GPIHBP1: variants seen among roughly 807,000 people sequenced by gnomAD.
GPIHBP1 encodes glycosylphosphatidylinositol-anchored high density lipoprotein-binding protein 1.
Under a neutral mutation model 13.0 loss-of-function variants are expected in GPIHBP1, and 11 were observed. That is an observed-to-expected ratio of 0.84 (90% confidence interval 0.53 to 1.40). The LOEUF is 1.40. Among genes scored for constraint, GPIHBP1 ranks in the 40% most tolerant of loss-of-function variants. The pLI, the probability that GPIHBP1 is intolerant of heterozygous loss-of-function variation, is 0.00. For synonymous variants in GPIHBP1, 106 were observed against 102.2 expected, an observed-to-expected ratio of 1.04 and a Z score of -0.22; for missense variants, 231 against 241.1, an observed-to-expected ratio of 0.96 and a Z score of 0.28.
chr8:143,214,619 C>T lies in GPIHBP1; in HGVS notation c.182-394C>T, dbSNP rs1816272421. ...CCCTCCCAGGAGCCCCAAGCCTGCC[C>T]TCAGCACGAGCCCTGCCCCACACAC... is the stretch of plus-strand genomic sequence containing the variant. On this transcript the variant is annotated intron_variant, in intron 2 of 3. Coordinates refer to ENST00000622500, the MANE Select transcript of GPIHBP1 (RefSeq NM_178172.6). This position sits in a 1 kb window ranked among gnomAD's most constrained non-coding sequence, Gnocchi z 4.1. Among the ~76,000 whole-genome samples the T allele has an allele frequency of 6.6e-6, 1 of 152,056 alleles. No homozygotes were observed. The highest frequency in any genetic ancestry group is 6.5e-5 in the Admixed American group (1 of 15,268).
Position 143,214,068 on chromosome 8 carries a change from T to C in GPIHBP1, c.181+118T>C, listed in dbSNP as rs1161487104. The C allele has an allele frequency of 1.5e-6, 2 of 1,324,692 alleles. No homozygotes were observed. Among genetic ancestry groups the C allele is most frequent in the Non-Finnish European group, 2.1e-6 (2 of 950,250 alleles). 82.1% of individuals were successfully genotyped at this position (1,324,692 alleles called of 1,614,324 possible). A position where few individuals can be genotyped will look rare whatever the true frequency, so the allele number is the denominator to read the frequency against. On this transcript the variant is annotated intron_variant, in intron 2 of 3. Coordinates refer to ENST00000622500, the MANE Select transcript of GPIHBP1 (RefSeq NM_178172.6). This position sits in a 1 kb window ranked among gnomAD's most constrained non-coding sequence, Gnocchi z 4.1. Reference sequence around the variant, plus strand: ...TGCTGTGAGCTTGCCTCCAGCAGAGTGGGGGACACTCAGTACACCCCTCAC... The same window carrying C: ...TGCTGTGAGCTTGCCTCCAGCAGAGCGGGGGACACTCAGTACACCCCTCAC...
chr8:143,215,550 A>AC lies in GPIHBP1; in HGVS notation c.*37dup, dbSNP rs1387176379. The AC allele has an allele frequency of 1.1e-5, 16 of 1,400,816 alleles. No individual in the cohort carries two copies. In the East Asian group the frequency reaches 3.1e-4, roughly 27 times the overall value. 86.8% of individuals were successfully genotyped at this position (1,400,816 alleles called of 1,614,324 possible). ...GCCCCTCCCCACCCCCACCCGGCTC[A>AC]CCCCCGGCCCTGCCAGCACTCTGTC... is the stretch of plus-strand genomic sequence containing the variant. On this transcript the variant is annotated 3_prime_UTR_variant, in exon 4 of 4. Coordinates refer to ENST00000622500, the MANE Select transcript of GPIHBP1 (RefSeq NM_178172.6).
Position 143,213,681 on chromosome 8 carries a change from C to T in GPIHBP1, c.53-141C>T, listed in dbSNP as rs1586694247. ...CAGTGAGTAGGGTGAGTAGGGTGTT[C>T]AGGGTAGGGGCCCTCCCCAGCCACC... On this transcript the variant is annotated intron_variant, in intron 1 of 3. Coordinates refer to ENST00000622500, the MANE Select transcript of GPIHBP1 (RefSeq NM_178172.6). The T allele has an allele frequency of 4.1e-6, 4 of 983,694 alleles. No homozygotes were observed. The East Asian group carries it at 1.1e-4, about 27-fold the overall frequency. The allele number at this position is 983,694 out of a possible 1,614,324, so 60.9% of individuals were successfully genotyped here.
Position 143,215,368 on chromosome 8 carries a change from G to A in GPIHBP1, c.405G>A (p.Leu135=), listed in dbSNP as rs1816289274. 6 of 1,612,944 alleles carry A rather than the reference G, an allele frequency of 3.7e-6. No homozygotes were observed. Among genetic ancestry groups the A allele is most frequent in the Non-Finnish European group, 4.2e-6 (5 of 1,180,010 alleles). The change falls in exon 4 of 4, where the codon CTG becomes CTA. Residue 135 remains leucine, a synonymous_variant. Transcript: ENST00000622500. Reference sequence around the variant, plus strand: ...CCATGACCTGCTGCCAGTCCAGCCTGTGCAATGTCCCACCCTGGCAAAGCT... The same window carrying A: ...CCATGACCTGCTGCCAGTCCAGCCTATGCAATGTCCCACCCTGGCAAAGCT... ...QVTMTCCQSS[L]CNVPPWQSSR...
chr8:143,216,715 T>C lies in GPIHBP1; in HGVS notation c.*1197T>C, dbSNP rs1180819615. 2.0e-5 allele frequency: 3 copies of C among 152,244 alleles called. No homozygotes were observed. The East Asian group carries it at 5.8e-4, about 29-fold the overall frequency. The allele number at this position is 152,244 out of a possible 1,614,324, so 9.4% of individuals were successfully genotyped here. Reference sequence around the variant, plus strand: ...TGGGACAGCAGGCAGAGGCCGAGCCTGGGCCACAGCTCAGCCACTGACTTG... The same window carrying C: ...TGGGACAGCAGGCAGAGGCCGAGCCCGGGCCACAGCTCAGCCACTGACTTG... On this transcript the variant is annotated 3_prime_UTR_variant, in exon 4 of 4. Transcript: ENST00000622500.
Position 143,215,561 on chromosome 8 carries a change from T to A in GPIHBP1, c.*43T>A, listed in dbSNP as rs1235146177. On this transcript the variant is annotated 3_prime_UTR_variant, in exon 4 of 4. Transcript: ENST00000622500. Reference sequence around the variant, plus strand: ...CCCCCACCCGGCTCACCCCCGGCCCTGCCAGCACTCTGTCTGGTACCTTCC... The same window carrying A: ...CCCCCACCCGGCTCACCCCCGGCCCAGCCAGCACTCTGTCTGGTACCTTCC... The A allele has an allele frequency of 7.8e-7, 1 of 1,282,694 alleles. No individual in the cohort carries two copies. Among genetic ancestry groups the A allele is most frequent in the South Asian group, 1.3e-5 (1 of 75,520 alleles). The allele number at this position is 1,282,694 out of a possible 1,614,324, so 79.5% of individuals were successfully genotyped here.
Position 143,215,724 on chromosome 8 carries a change from G to A in GPIHBP1, c.*206G>A, listed in dbSNP as rs1563713619. ...GTCCTTTCTCCACCACCTGTGAGCA[G>A]CAAGACTGCCGCACGTGGGCGCTGG... On this transcript the variant is annotated 3_prime_UTR_variant, in exon 4 of 4. Transcript: ENST00000622500. The A allele has an allele frequency of 6.7e-6, 4 of 600,432 alleles. No individual in the cohort carries two copies. Among genetic ancestry groups the A allele is most frequent in the South Asian group, 6.0e-5 (3 of 49,670 alleles). 37.2% of individuals were successfully genotyped at this position (600,432 alleles called of 1,614,324 possible). A position where few individuals can be genotyped will look rare whatever the true frequency, so the allele number is the denominator to read the frequency against.
chr8:143,213,859 C>G lies in GPIHBP1; in HGVS notation c.90C>G (p.Asp30Glu), dbSNP rs776835638. The change falls in exon 2 of 4, where the codon GAC becomes GAG. Residue 30 changes from aspartate to glutamate, a missense_variant. Transcript: ENST00000622500. ...GQTQQEEEEE[D>E]EDHGPDDYDE... ...CACAGCAGGAGGAAGAGGAAGAGGA[C>G]GAGGACCACGGGCCAGATGACTACG... 2.6e-6 allele frequency: 4 copies of G among 1,556,736 alleles called. No individual in the cohort carries two copies. Among genetic ancestry groups the G allele is most frequent in the Admixed American group, 1.9e-5 (1 of 51,614 alleles).
chr8:143,214,314 A>G lies in GPIHBP1; in HGVS notation c.181+364A>G, dbSNP rs1482402781. 6.6e-6 allele frequency among the ~76,000 whole-genome samples: 1 copy of G among 152,000 alleles called. No homozygotes were observed. The highest frequency in any genetic ancestry group is 1.9e-4 in the East Asian group (1 of 5,180). ...GAGCAGCAGGGTGGGCCGGTCCTGT[A>G]CAGGGGAGGGCTGGATTGGCTGCTG... On this transcript the variant is annotated intron_variant, in intron 2 of 3. Transcript: ENST00000622500. This position sits in a 1 kb window ranked among gnomAD's most constrained non-coding sequence, Gnocchi z 4.1.
rs587777639 is a variant in GPIHBP1, at chr8:143,215,033, T to C, written c.202T>C (p.Cys68Arg). The change falls in exon 3 of 4, where the codon TGC (cysteine) becomes CGC (arginine). Residue 68 changes from cysteine (C) to arginine (R), a missense_variant. Physicochemically the swap from Cys to Arg is radical, Grantham distance 180. Transcript: ENST00000622500. ...RSRVLLRCYT[C>R]KSLPRDERCN... ...CCCAGTGCTGCTGCGGTGCTACACC[T>C]GCAAGTCCCTGCCCAGGGACGAGCG... 1.3e-6 allele frequency: 2 copies of C among 1,587,144 alleles called. No homozygotes were observed. The highest frequency in any genetic ancestry group is 1.7e-6 in the Non-Finnish European group (2 of 1,167,386).
At chr8:143,213,498 C>T (rs544841510) in intron 1 of GPIHBP1, among the ~76,000 whole-genome samples, 179 bp downstream of exon 1, 56 of 152,092 alleles carry the variant, frequency 3.7e-4, no homozygotes, top group Admixed American at 2.4e-3. Flanking sequence ...CAAATATCTG[C>T]GCCCCTGTTT....
At chr8:143,213,589 G>A (rs189902083) in intron 1 of GPIHBP1, among the ~76,000 whole-genome samples, 1 of 65,298 alleles carries the variant, frequency 1.5e-5, no homozygotes, top group African/African-American at 3.8e-5. Context: ...GGGCACACTC[G>A]GCTGCAGGAC....
chr8:143,215,486 G>C lies in GPIHBP1; in HGVS notation c.523G>C (p.Gly175Arg), dbSNP rs145844329. 1,178 of 1,609,790 alleles carry C rather than the reference G, an allele frequency of 7.3e-4. 5 individuals are homozygous for C. The highest frequency in any genetic ancestry group is 5.4e-3 in the African/African-American group (408 of 75,006). Residue 175 changes from glycine to arginine, a missense_variant, in exon 4 of 4, where the codon GGC (glycine) becomes CGC (arginine). Gly to Arg is a moderately radical substitution (Grantham distance 125). Coordinates refer to ENST00000622500, the MANE Select transcript of GPIHBP1 (RefSeq NM_178172.6). ...GAALLLNLLA[G>R]LGAMGARRP ...AGCCCTCCTGCTCAACCTCCTTGCC[G>C]GCCTTGGAGCAATGGGGGCCAGGAG...
intron 1 of GPIHBP1, 89 bp from the exon 2 acceptor site, chr8:143,213,733 G>T: frequency 6.5e-7 from 1 of 1,547,530 alleles, no homozygotes; most frequent in Non-Finnish European, 8.7e-7. Flanking sequence ...GCTGGGGAGG[G>T]CCAAGGAGTT....
Position 143,215,649 on chromosome 8 carries a change from G to T in GPIHBP1, c.*131G>T. 2.5e-6 allele frequency: 2 copies of T among 789,784 alleles called. No individual in the cohort carries two copies. Among genetic ancestry groups the T allele is most frequent in the Non-Finnish European group, 3.9e-6 (2 of 506,980 alleles). 48.9% of individuals were successfully genotyped at this position (789,784 alleles called of 1,614,324 possible). ...GAGTGTCTTGGGCGATCCAGCCAGC[G>T]CAGGCCCCCCGGCCCGGTTGCTTCC... On this transcript the variant is annotated 3_prime_UTR_variant, in exon 4 of 4. Coordinates refer to ENST00000622500, the MANE Select transcript of GPIHBP1 (RefSeq NM_178172.6).
rs1015756742 is a variant in GPIHBP1, at chr8:143,214,843, C to A, written c.182-170C>A. Reference sequence around the variant, plus strand: ...CCCTAAACACACAGGCTCACGCACACAGCACAGCTTACAGGACCAAGTCAG... The same window carrying A: ...CCCTAAACACACAGGCTCACGCACAAAGCACAGCTTACAGGACCAAGTCAG... On this transcript the variant is annotated intron_variant, in intron 2 of 3. Transcript: ENST00000622500. This position sits in a 1 kb window ranked among gnomAD's most constrained non-coding sequence, Gnocchi z 4.1. Among the ~76,000 whole-genome samples the A allele has an allele frequency of 6.6e-6, 1 of 152,244 alleles. No homozygotes were observed. Among genetic ancestry groups the A allele is most frequent in the Non-Finnish European group, 1.5e-5 (1 of 68,030 alleles).
In GPIHBP1 at chr8:143,217,087, C is replaced by G. The variant is rs1365034801; in HGVS notation, c.*1569C>G. 6.6e-6 allele frequency: 1 copy of G among 152,204 alleles called. No homozygotes were observed. The highest frequency in any genetic ancestry group is 6.5e-5 in the Admixed American group (1 of 15,284). 9.4% of individuals were successfully genotyped at this position (152,204 alleles called of 1,614,324 possible). A position where few individuals can be genotyped will look rare whatever the true frequency, so the allele number is the denominator to read the frequency against. On this transcript the variant is annotated 3_prime_UTR_variant, in exon 4 of 4. Transcript: ENST00000622500. ...GGTAGGGCAGCCTGGTGAGAGGGGC[C>G]TAGCTCGCTGCCGACAGAAGTCACT...
rs61747644 is a variant in GPIHBP1 at position 143,213,279 on chromosome 8, C to T, written c.12C>T (p.Leu4=). Residue 4 remains leucine (L), a synonymous_variant, in exon 1 of 4, where the codon CTC becomes CTT. Transcript: ENST00000622500. The part of the protein sequence containing the change: MKA[L]GAVLLALLLF... ...CAGCGTCCGGCGAGATGAAGGCGCT[C>T]GGGGCTGTCCTGCTTGCCCTCTTGC... 286,169 of 1,594,926 alleles carry T rather than the reference C, an allele frequency of 0.18. 27,137 individuals are homozygous for T. Among genetic ancestry groups the T allele is most frequent in the Admixed American group, 0.21 (11,702 of 56,988 alleles).
In GPIHBP1 at chr8:143,214,561, C is replaced by A. The variant is rs369301053; in HGVS notation, c.182-452C>A. On this transcript the variant is annotated intron_variant, in intron 2 of 3. Transcript: ENST00000622500. The surrounding 1 kb of genome is among the most constrained non-coding windows in gnomAD (Gnocchi z 4.1). Reference sequence around the variant, plus strand: ...ACACACAGCCCCTCCCTAGCCAGGGCCCCCAGCATGCCCCACCACACACAG... The same window carrying A: ...ACACACAGCCCCTCCCTAGCCAGGGACCCCAGCATGCCCCACCACACACAG... 2.1e-4 allele frequency among the ~76,000 whole-genome samples: 30 copies of A among 140,582 alleles called. No individual in the cohort carries two copies. Among genetic ancestry groups the A allele is most frequent in the African/African-American group, 9.4e-4 (29 of 31,002 alleles). The allele number at this position is 140,582 out of a possible 152,430, so 92.2% of individuals were successfully genotyped here. A position where few individuals can be genotyped will look rare whatever the true frequency, so the allele number is the denominator to read the frequency against.
Sources: gnomAD v4.1 joint callset for allele counts (sites outside exome capture counted in the v4.1 genomes callset) on GRCh38, gnomAD v4.1.1 for gene constraint, Gnocchi (gnomAD v3.1) non-coding constraint, MANE v1.5 for transcripts, NCBI Gene and HGNC (gene_info 2026-07-23, HGNC 2026-07-21) for gene names.